EFHC2: variants seen among roughly 807,000 people sequenced by gnomAD.
The protein encoded by EFHC2 is EF-hand domain-containing family member C2.
EFHC2 carries 18 observed loss-of-function variants against 52.7 expected under a neutral mutation model. The observed-to-expected ratio is 0.34, with a 90% CI of 0.24 to 0.51. The LOEUF (loss-of-function observed/expected upper bound fraction) is 0.51. Ranked by LOEUF, EFHC2 falls within the 20% of genes least tolerant of loss-of-function variation. The pLI is 0.97. For missense variants in EFHC2, 513 were observed against 562.5 expected (o/e 0.91, Z 0.89); for synonymous variants, 203 against 204.1 (o/e 0.99, Z 0.04).
chrX:44,310,242 C>T (rs941773974), intron 2 of EFHC2: 127 of 962,024 alleles, frequency 1.3e-4, no homozygotes, highest in East Asian at 1.2e-3. Flanking sequence ...GATGACAAAG[C>T]GGCAAGGGTT....
In EFHC2 at chrX:44,235,403, A is replaced by G; in HGVS notation, c.1325T>C (p.Val442Ala). ...SNILRFFAKLVTDKCVDLDRM... is the reference protein window; with the variant it reads ...SNILRFFAKLATDKCVDLDRM... Reference sequence around the variant, plus strand: ...GTCCAAGTCAACACATTTGTCTGTGACTAGTTTTGCAAAAAAACGGAGTAT... The same window carrying G: ...GTCCAAGTCAACACATTTGTCTGTGGCTAGTTTTGCAAAAAAACGGAGTAT... Residue 442 changes from valine to alanine, a missense_variant, in exon 9 of 15, where the codon GTC (valine) becomes GCC (alanine). Val to Ala is a moderately conservative substitution (Grantham distance 64, BLOSUM62 0). Coordinates refer to ENST00000420999, the MANE Select transcript of EFHC2 (RefSeq NM_025184.4). The G allele has an allele frequency of 8.4e-7, 1 of 1,196,204 alleles. No individual in the cohort carries two copies.
chrX:44,255,829 C>T (rs2037487427), intron 4 of EFHC2, among the ~76,000 whole-genome samples: 1 of 111,843 alleles, frequency 8.9e-6, no homozygotes, highest in Non-Finnish European at 1.9e-5. Flanking sequence ...ACATTCTTCT[C>T]AGCACCACAT....
chrX:44,241,858 A>G (rs2037361310), intron 8 of EFHC2, among the ~76,000 whole-genome samples: 1 of 112,118 alleles, frequency 8.9e-6, no homozygotes, highest in Admixed American at 9.5e-5. Flanking sequence ...GGAGACAGAT[A>G]TATAGATAGA....
chrX:44,254,406 A>T (rs959153100), intron 4 of EFHC2, among the ~76,000 whole-genome samples: 3 of 112,188 alleles, frequency 2.7e-5, no homozygotes, highest in Middle Eastern at 9.2e-3. Flanking sequence ...AACTAGAATA[A>T]CCAGTTTAGA....
intron 11 of EFHC2, among the ~76,000 whole-genome samples, chrX:44,222,350 G>A (rs1332326665): frequency 9.0e-6 from 1 of 111,541 alleles, no homozygotes; most frequent in Non-Finnish European, 1.9e-5. Flanking sequence ...AGAGAAATGT[G>A]GGTCCAATTT....
At chrX:44,195,771 G>C (rs1486770999) in intron 11 of EFHC2, among the ~76,000 whole-genome samples, 1 of 104,963 alleles carries the variant, frequency 9.5e-6, no homozygotes, top group Non-Finnish European at 2.0e-5. Flanking sequence ...ACGCTACTGA[G>C]ACCACCACTC....
At chrX:44,171,338 T>C (rs969014938) in intron 13 of EFHC2, among the ~76,000 whole-genome samples, 4 of 111,807 alleles carry the variant, frequency 3.6e-5, no homozygotes, top group Non-Finnish European at 5.6e-5. Flanking sequence ...CCACCCTTGA[T>C]AGAGGTAAAA....
chrX:44,149,455 T>C (rs1013089785), intron 14 of EFHC2, among the ~76,000 whole-genome samples: 5 of 112,647 alleles, frequency 4.4e-5, no homozygotes, highest in Admixed American at 1.9e-4. Flanking sequence ...GGAGTTGTTA[T>C]GCAGCATGAA....
intron 2 of EFHC2, among the ~76,000 whole-genome samples, chrX:44,281,167 G>C (rs751202777): frequency 1.4e-4 from 16 of 111,997 alleles, no homozygotes; most frequent in African/African-American, 4.2e-4. Flanking sequence ...TGATCCACCC[G>C]CCTCAGCCTC....
intron 8 of EFHC2, among the ~76,000 whole-genome samples, chrX:44,240,128 T>C (rs2037349392): frequency 8.9e-6 from 1 of 112,399 alleles, no homozygotes; most frequent in Non-Finnish European, 1.9e-5. Flanking sequence ...ATTCTTTGTA[T>C]GCTTTGTGAA....
At chrX:44,214,623 C>T (rs1005842236) in intron 11 of EFHC2, among the ~76,000 whole-genome samples, 3 of 111,581 alleles carry the variant, frequency 2.7e-5, no homozygotes, top group African/African-American at 9.8e-5. Context: ...AGAAGCTCTT[C>T]GAAGAGAAAG....
At chrX:44,149,427 T>G (rs753949073) in intron 14 of EFHC2, among the ~76,000 whole-genome samples, 21 of 112,739 alleles carry the variant, frequency 1.9e-4, no homozygotes, top group Middle Eastern at 4.6e-3. Context: ...TGTCTTGTTG[T>G]GAACCATTGA....
intron 10 of EFHC2, among the ~76,000 whole-genome samples, chrX:44,231,336 A>AG (rs2037274905): frequency 8.9e-6 from 1 of 112,020 alleles, no homozygotes; most frequent in African/African-American, 3.2e-5. Context: ...GACTAGAACC[A>AG]GGTGATTCCT....
chrX:44,247,862 A>C (rs2037411905), intron 7 of EFHC2, among the ~76,000 whole-genome samples: 1 of 112,356 alleles, frequency 8.9e-6, no homozygotes, highest in Non-Finnish European at 1.9e-5. Context: ...GCAAACTAGC[A>C]GAAGAGAATT....
intron 2 of EFHC2, among the ~76,000 whole-genome samples, chrX:44,286,446 A>G (rs1272757712): frequency 8.9e-6 from 1 of 112,043 alleles, no homozygotes. Flanking sequence ...AGGGTGGGGT[A>G]CAATGGGATG....
At chrX:44,267,509 C>T (rs1269526189) in intron 3 of EFHC2, among the ~76,000 whole-genome samples, 1 of 111,480 alleles carries the variant, frequency 9.0e-6, no homozygotes, top group African/African-American at 3.3e-5. Context: ...CCAAACTCCC[C>T]CCACCCTAAA....
At chrX:44,321,410 C>T (rs1200445815) in intron 1 of EFHC2, among the ~76,000 whole-genome samples, 7 of 110,944 alleles carry the variant, frequency 6.3e-5, no homozygotes, top group African/African-American at 3.3e-5. Flanking sequence ...AGCAAGAAGT[C>T]GAGGCTGGAT....
intron 11 of EFHC2, among the ~76,000 whole-genome samples, chrX:44,199,607 A>T (rs1383853023): frequency 1.8e-5 from 2 of 112,142 alleles, no homozygotes; most frequent in Non-Finnish European, 3.8e-5. Flanking sequence ...GGGTTTGCAT[A>T]GTCTCAAAGT....
chrX:44,278,487 T>G (rs778546598), intron 2 of EFHC2, among the ~76,000 whole-genome samples: 12 of 112,181 alleles, frequency 1.1e-4, no homozygotes, highest in African/African-American at 2.9e-4. Context: ...CAGGACATGC[T>G]ACCTCGGCAA....
Sources: gnomAD v4.1 joint callset for allele counts (sites outside exome capture counted in the v4.1 genomes callset) on GRCh38, gnomAD v4.1.1 for gene constraint, MANE v1.5 for transcripts, NCBI Gene and HGNC (gene_info 2026-07-23, HGNC 2026-07-21) for gene names.